Variants in BAZ2B observed in about 807,000 individuals in gnomAD.
BAZ2B encodes the protein bromodomain adjacent to zinc finger domain protein 2B.
BAZ2B carries 91 observed loss-of-function variants against 246.0 expected under a neutral mutation model. The observed-to-expected ratio is 0.37, with a 90% confidence interval of 0.31 to 0.44. The LOEUF (loss-of-function observed/expected upper bound fraction) is 0.44, where lower values mean the gene tolerates loss of function less well. Ranked by LOEUF, BAZ2B falls within the 20% of genes least tolerant of loss-of-function variation. The pLI is 1.00. For missense variants in BAZ2B, 2,332 were observed against 2,533.7 expected (o/e 0.92, Z 1.71); for synonymous variants, 855 against 860.0 (o/e 0.99, Z 0.10).
chr2:159,491,720 C>CA (rs773067675), intron 2 of BAZ2B, among the ~76,000 whole-genome samples: 856 of 29,540 alleles, frequency 0.029, 179 homozygotes, highest in African/African-American at 0.071. Flanking sequence ...GACTCCGTCT[C>CA]AAAAAAAAAA....
the BAZ2B span, among the ~76,000 whole-genome samples, chr2:159,684,480 AG>A: frequency 6.6e-6 from 1 of 152,226 alleles, no homozygotes; most frequent in Non-Finnish European, 1.5e-5. Flanking sequence ...TGGAAGAAGT[AG>A]TAATTAGTTG....
chr2:159,385,622 T>C (rs1172429871), intron 22 of BAZ2B, among the ~76,000 whole-genome samples: 3 of 152,168 alleles, frequency 2.0e-5, no homozygotes, highest in African/African-American at 7.2e-5. Flanking sequence ...AATTCATGGG[T>C]AGCAGAAGTT....
intron 19 of BAZ2B, chr2:159,396,135 T>C (rs1370165149): frequency 4.8e-6 from 1 of 206,274 alleles, no homozygotes; most frequent in East Asian, 1.1e-4. Context: ...CTTCAAAAGC[T>C]GGCAGAACAA....
the BAZ2B span, among the ~76,000 whole-genome samples, chr2:159,708,913 T>C: frequency 6.6e-6 from 1 of 152,112 alleles, no homozygotes; most frequent in Admixed American, 6.6e-5. Context: ...TTGATGCTAA[T>C]CCAGTAGAAG....
the BAZ2B span, among the ~76,000 whole-genome samples, chr2:159,659,186 T>C: frequency 6.6e-6 from 1 of 152,218 alleles, no homozygotes; most frequent in Non-Finnish European, 1.5e-5. Context: ...TATTTTGTAA[T>C]CTGGCTTCCT....
Position 159,555,854 on chromosome 2 carries a change from C to T in BAZ2B, c.-34G>A, listed in dbSNP as rs1458916768. The T allele has an allele frequency of 6.9e-6, 1 of 145,556 alleles. No individual in the cohort carries two copies. Among genetic ancestry groups the T allele is most frequent in the Non-Finnish European group, 1.5e-5 (1 of 66,822 alleles). 9.0% of individuals were successfully genotyped at this position (145,556 alleles called of 1,614,324 possible). A position where few individuals can be genotyped will look rare whatever the true frequency, so the allele number is the denominator to read the frequency against. On this transcript the variant is annotated 5_prime_UTR_variant, in exon 2 of 37. In the 5' UTR this introduces an upstream ATG that the reference lacks. Coordinates refer to ENST00000392783, the MANE Select transcript of BAZ2B (RefSeq NM_013450.4). ...CAATGTGGTCAATCTTGTGACATCA[C>T]TGTTGGGAAACCTGCAATAGGAAAA...
chr2:159,557,355 A>G (rs2089305257), intron 1 of BAZ2B, among the ~76,000 whole-genome samples: 1 of 151,906 alleles, frequency 6.6e-6, no homozygotes, highest in African/African-American at 2.4e-5. Context: ...TCAAAATTGT[A>G]CAATGGCTTT....
At chr2:159,670,510 C>T in the BAZ2B span, among the ~76,000 whole-genome samples, 1 of 152,058 alleles carries the variant, frequency 6.6e-6, no homozygotes, top group Non-Finnish European at 1.5e-5. Context: ...TTGCCACATA[C>T]CATACGTTGT....
chr2:159,361,555 G>A (rs2059691964), intron 27 of BAZ2B, among the ~76,000 whole-genome samples: 1 of 152,172 alleles, frequency 6.6e-6, no homozygotes, highest in Non-Finnish European at 1.5e-5. Flanking sequence ...ATTCCTCAAG[G>A]ATCTACAACC....
At chr2:159,476,512 A>G (rs2078573669) in intron 3 of BAZ2B, among the ~76,000 whole-genome samples, 1 of 152,158 alleles carries the variant, frequency 6.6e-6, no homozygotes. Context: ...GCTTCCAACC[A>G]TCCACTAACA....
chr2:159,495,013 T>C (rs1328827962), intron 2 of BAZ2B, among the ~76,000 whole-genome samples: 6 of 152,132 alleles, frequency 3.9e-5, no homozygotes, highest in Non-Finnish European at 5.9e-5. Context: ...TGGTATTATA[T>C]AAATTTAGGA....
Position 159,349,900 on chromosome 2 carries a change from T to C in BAZ2B, c.4671A>G (p.Arg1557=), listed in dbSNP as rs1289360405. 1.2e-6 allele frequency: 2 copies of C among 1,614,176 alleles called. No homozygotes were observed. Among genetic ancestry groups the C allele is most frequent in the South Asian group, 2.2e-5 (2 of 91,082 alleles). Residue 1557 remains arginine, a synonymous_variant, in exon 28 of 37, where the codon AGA becomes AGG. Coordinates refer to ENST00000392783, the MANE Select transcript of BAZ2B (RefSeq NM_013450.4). ...QLLKTLTEKN[R]QWFSLLPRTP... is the part of the protein sequence containing the mutation. ...TTCGTGGCAAAAGACTAAACCATTG[T>C]CTATTCTTTTCAGTCAGCGTTTTTA...
intron 2 of BAZ2B, among the ~76,000 whole-genome samples, chr2:159,515,028 A>T (rs2083289031): frequency 6.6e-6 from 1 of 152,036 alleles, no homozygotes; most frequent in Non-Finnish European, 1.5e-5. Context: ...TTTCAACAAA[A>T]GAAGGAGTCT....
intron 2 of BAZ2B, among the ~76,000 whole-genome samples, chr2:159,485,660 T>C (rs2079738041): frequency 6.6e-6 from 1 of 152,044 alleles, no homozygotes; most frequent in African/African-American, 2.4e-5. Context: ...AGCTCTCAAG[T>C]TTCTATCAGA....
intron 18 of BAZ2B, among the ~76,000 whole-genome samples, chr2:159,397,896 C>CA (rs2064295586): frequency 6.6e-6 from 1 of 151,878 alleles, no homozygotes; most frequent in Non-Finnish European, 1.5e-5. Context: ...ATTAAAGTGA[C>CA]AAAAACTAGG....
chr2:159,452,974 G>A (rs2075284236), intron 4 of BAZ2B, among the ~76,000 whole-genome samples: 1 of 152,072 alleles, frequency 6.6e-6, no homozygotes, highest in Non-Finnish European at 1.5e-5. Context: ...ATGGTGCGTG[G>A]CTGTAATCCC....
At chr2:159,471,328 G>A (rs1178833627) in intron 3 of BAZ2B, among the ~76,000 whole-genome samples, 1 of 152,280 alleles carries the variant, frequency 6.6e-6, no homozygotes. Flanking sequence ...GGGGCCAGGC[G>A]CAGTGGCTCA....
At chr2:159,421,126 T>C (rs1255157330) in intron 13 of BAZ2B, among the ~76,000 whole-genome samples, 2 of 152,144 alleles carry the variant, frequency 1.3e-5, no homozygotes, top group African/African-American at 4.8e-5. Flanking sequence ...TAAATAAAAC[T>C]GATAATGGAT....
chr2:159,658,590 T>C, the BAZ2B span, among the ~76,000 whole-genome samples: 2 of 152,212 alleles, frequency 1.3e-5, no homozygotes, highest in African/African-American at 2.4e-5. Flanking sequence ...CAATCTCAGC[T>C]CACTGCAACC....
Sources: gnomAD v4.1 joint callset for allele counts (sites outside exome capture counted in the v4.1 genomes callset) on GRCh38, gnomAD v4.1.1 for gene constraint, MANE v1.5 for transcripts, NCBI Gene and HGNC (gene_info 2026-07-23, HGNC 2026-07-21) for gene names.